Variants in RABGAP1L observed in about 807,000 individuals in gnomAD.
The protein encoded by RABGAP1L is RAB GTPase activating protein 1 like.
RABGAP1L carries 63 observed loss-of-function variants against 137.7 expected under a neutral mutation model. That is an observed-to-expected ratio of 0.46 (90% CI 0.37 to 0.56). The LOEUF is 0.56. RABGAP1L is among the 20% of genes least tolerant of loss of function. The pLI is 0.00. For missense variants in RABGAP1L, 1,095 were observed against 1,244.0 expected, an observed-to-expected ratio of 0.88 and a Z score of 1.80; for synonymous variants, 431 against 433.7, an observed-to-expected ratio of 0.99 and a Z score of 0.08.
intron 13 of RABGAP1L, among the ~76,000 whole-genome samples, chr1:174,477,698 A>G (rs1024917435): frequency 1.3e-5 from 2 of 152,182 alleles, no homozygotes; most frequent in African/African-American, 4.8e-5. Flanking sequence ...GTAGTGTGCA[A>G]TAGGAACCCT....
chr1:174,363,941 A>G (rs1054366440), intron 11 of RABGAP1L, among the ~76,000 whole-genome samples: 7 of 150,310 alleles, frequency 4.7e-5, no homozygotes, highest in African/African-American at 1.7e-4. Flanking sequence ...TGTTGAATTC[A>G]TGTTTGCTTG....
intron 19 of RABGAP1L, among the ~76,000 whole-genome samples, chr1:174,872,681 C>T (rs1170741562): frequency 6.6e-6 from 1 of 151,888 alleles, no homozygotes; most frequent in Non-Finnish European, 1.5e-5. Context: ...GCTGAGACTA[C>T]AGGAACTTGC....
At chr1:174,409,912 A>G (rs538664608) in intron 13 of RABGAP1L, among the ~76,000 whole-genome samples, 1 of 152,332 alleles carries the variant, frequency 6.6e-6, no homozygotes, top group African/African-American at 2.4e-5. Context: ...ACAGCTGAAC[A>G]TAGACCCTTA....
intron 13 of RABGAP1L, among the ~76,000 whole-genome samples, chr1:174,523,591 G>A (rs1213756505): frequency 6.6e-6 from 1 of 152,094 alleles, no homozygotes; most frequent in Admixed American, 6.5e-5. Flanking sequence ...AGGATATTTA[G>A]GGTATCATCA....
intron 13 of RABGAP1L, among the ~76,000 whole-genome samples, chr1:174,494,872 G>A (rs1328287267): frequency 6.6e-6 from 1 of 152,130 alleles, no homozygotes; most frequent in Non-Finnish European, 1.5e-5. Flanking sequence ...ACACAAACAA[G>A]TCAAAGTTGG....
chr1:174,496,322 C>G (rs1660729606), intron 13 of RABGAP1L, among the ~76,000 whole-genome samples: 1 of 152,008 alleles, frequency 6.6e-6, no homozygotes, highest in Non-Finnish European at 1.5e-5. Context: ...AGCTGAACTT[C>G]AAAAGTAGGA....
At chr1:174,410,958 C>A (rs982759243) in intron 13 of RABGAP1L, among the ~76,000 whole-genome samples, 4 of 152,050 alleles carry the variant, frequency 2.6e-5, no homozygotes, top group African/African-American at 9.7e-5. Context: ...TCTTTTACCT[C>A]CTTGGTTAGA....
At chr1:174,918,007 G>T (rs1010258438) in intron 19 of RABGAP1L, among the ~76,000 whole-genome samples, 1 of 151,768 alleles carries the variant, frequency 6.6e-6, no homozygotes. Context: ...GGATACAGGG[G>T]TAAGTTGTCT....
intron 13 of RABGAP1L, among the ~76,000 whole-genome samples, chr1:174,547,529 A>G (rs1666118526): frequency 6.6e-6 from 1 of 152,118 alleles, no homozygotes; most frequent in Non-Finnish European, 1.5e-5. Context: ...AGGTGGGAAA[A>G]TCACCTGAGC....
intron 18 of RABGAP1L, among the ~76,000 whole-genome samples, chr1:174,774,433 A>G (rs1686361826): frequency 6.6e-6 from 1 of 152,174 alleles, no homozygotes; most frequent in Admixed American, 6.5e-5. Flanking sequence ...TCTACAAAAA[A>G]TAAAAATAAA....
chr1:174,750,952 A>G (rs1311841023), intron 17 of RABGAP1L, among the ~76,000 whole-genome samples: 1 of 152,288 alleles, frequency 6.6e-6, no homozygotes, highest in East Asian at 1.9e-4. Context: ...TGATTCAGAA[A>G]GCAAATTTTG....
At chr1:174,665,878 A>T (rs1676754401) in intron 14 of RABGAP1L, among the ~76,000 whole-genome samples, 1 of 152,266 alleles carries the variant, frequency 6.6e-6, no homozygotes, top group Non-Finnish European at 1.5e-5. Context: ...GAGTAGTAGT[A>T]ACTAATAAAT....
At chr1:174,241,414 C>G in intron 4 of RABGAP1L, 69 bp from the exon 5 acceptor site, 1 of 1,065,896 alleles carries the variant, frequency 9.4e-7, no homozygotes, top group Non-Finnish European at 1.3e-6. Context: ...AAAAAAAAAC[C>G]TAACTGGAAA....
chr1:174,271,801 A>G (rs779959544), intron 7 of RABGAP1L, among the ~76,000 whole-genome samples: 65 of 152,072 alleles, frequency 4.3e-4, no homozygotes, highest in Non-Finnish European at 2.9e-4. Context: ...ACAATATTAA[A>G]TAGTTAACAG....
At chr1:174,827,279 C>T (rs916412435) in intron 19 of RABGAP1L, among the ~76,000 whole-genome samples, 1 of 152,158 alleles carries the variant, frequency 6.6e-6, no homozygotes, top group South Asian at 2.1e-4. Flanking sequence ...TACTGAGTAG[C>T]AAGGACTATA....
At chr1:174,424,319 T>C (rs1422680892) in intron 13 of RABGAP1L, among the ~76,000 whole-genome samples, 1 of 152,122 alleles carries the variant, frequency 6.6e-6, no homozygotes, top group Admixed American at 6.5e-5. Flanking sequence ...AGATATTGGC[T>C]AATAGCTGTA....
At chr1:174,454,448 C>T (rs1275088467) in intron 13 of RABGAP1L, among the ~76,000 whole-genome samples, 3 of 151,880 alleles carry the variant, frequency 2.0e-5, no homozygotes, top group South Asian at 2.1e-4. Flanking sequence ...AACTTGACAA[C>T]CTTCTACTTG....
At chr1:174,291,317 C>G (rs1299290131) in intron 10 of RABGAP1L, among the ~76,000 whole-genome samples, 1 of 151,834 alleles carries the variant, frequency 6.6e-6, no homozygotes, top group Non-Finnish European at 1.5e-5. Context: ...AAAAGTCACC[C>G]TTGGTGATGA....
chr1:174,365,218 C>T (rs1684509117), intron 11 of RABGAP1L: 1 of 152,346 alleles, frequency 6.6e-6, no homozygotes, highest in South Asian at 2.1e-4. Flanking sequence ...CCATCTCTGT[C>T]TGTTTTCCAA....
Sources: allele counts gnomAD v4.1 joint callset (sites outside exome capture counted in the v4.1 genomes callset), GRCh38; gene constraint gnomAD v4.1.1; transcripts MANE v1.5; gene names NCBI Gene and HGNC (gene_info 2026-07-23, HGNC 2026-07-21).